Variants in RFX4 observed in about 807,000 individuals in gnomAD.
RFX4 encodes the protein regulatory factor X4.
In RFX4, 10 loss-of-function variants were observed where a neutral mutation model predicts 95.0. That is an observed-to-expected ratio of 0.11 (90% CI 0.06 to 0.18). The LOEUF (loss-of-function observed/expected upper bound fraction) is 0.18, where lower values mean the gene tolerates loss of function less well. RFX4 is among the 10% of genes least tolerant of loss of function. RFX4 has a pLI of 1.00. For missense variants in RFX4, 640 were observed against 922.0 expected, an observed-to-expected ratio of 0.69 and a Z score of 3.96; for synonymous variants, 321 against 340.7, an observed-to-expected ratio of 0.94 and a Z score of 0.64.
At chr12:106,726,246 T>TA (rs550366505) in intron 13 of RFX4, among the ~76,000 whole-genome samples, 2,587 of 108,028 alleles carry the variant, frequency 0.024, 72 homozygotes, top group East Asian at 0.11. Flanking sequence ...AGACTCCATC[T>TA]AAAAAAAAAA....
At chr12:106,730,577 T>G (rs1003937187) in intron 13 of RFX4, among the ~76,000 whole-genome samples, 1 of 152,202 alleles carries the variant, frequency 6.6e-6, no homozygotes, top group African/African-American at 2.4e-5. Flanking sequence ...ATATGTTCAG[T>G]GCTTAGCAGA....
At chr12:106,715,999 T>C (rs1236865062) in intron 11 of RFX4, among the ~76,000 whole-genome samples, 1 of 152,146 alleles carries the variant, frequency 6.6e-6, no homozygotes. Flanking sequence ...AGCAGGTGGA[T>C]GGTATTTTAC....
chr12:106,709,803 C>G (rs2042157816), intron 9 of RFX4, among the ~76,000 whole-genome samples: 1 of 152,098 alleles, frequency 6.6e-6, no homozygotes, highest in African/African-American at 2.4e-5. Flanking sequence ...AGATGAGGCT[C>G]TAAGAGGCAA....
At chr12:106,690,356 T>C (rs1353813535) in intron 7 of RFX4, among the ~76,000 whole-genome samples, 2 of 152,196 alleles carry the variant, frequency 1.3e-5, no homozygotes, top group African/African-American at 4.8e-5. Flanking sequence ...TTTCAGTGAT[T>C]TTTTTCTTTT....
intron 15 of RFX4, among the ~76,000 whole-genome samples, chr12:106,738,803 T>C (rs1242990374): frequency 6.6e-6 from 1 of 152,210 alleles, no homozygotes; most frequent in African/African-American, 2.4e-5. Flanking sequence ...TGTATGATTA[T>C]ATAGGCATAT....
chr12:106,741,643 G>A (rs1250933205), intron 15 of RFX4, among the ~76,000 whole-genome samples: 1 of 152,190 alleles, frequency 6.6e-6, no homozygotes, highest in East Asian at 1.9e-4. Context: ...CACACTTAAA[G>A]GAGCTTACAA....
chr12:106,601,094 C>T (rs1291227220), intron 1 of RFX4: 4 of 1,383,122 alleles, frequency 2.9e-6, no homozygotes, highest in South Asian at 1.7e-5. Flanking sequence ...CAGGGCAGGG[C>T]CCCTTCCTGG....
intron 17 of RFX4, among the ~76,000 whole-genome samples, chr12:106,759,896 T>C (rs933843406): frequency 2.0e-5 from 3 of 152,106 alleles, no homozygotes; most frequent in African/African-American, 7.2e-5. Context: ...ACCTCTGAAT[T>C]GCTGGTTCTC....
At chr12:106,627,761 T>C (rs1429785574) in intron 2 of RFX4, among the ~76,000 whole-genome samples, 1 of 152,202 alleles carries the variant, frequency 6.6e-6, no homozygotes, top group Non-Finnish European at 1.5e-5. Context: ...TGCTCGGCCT[T>C]ATCTGTTGTG....
chr12:106,602,271 A>G (rs537825446), intron 1 of RFX4, among the ~76,000 whole-genome samples: 5 of 152,216 alleles, frequency 3.3e-5, no homozygotes, highest in South Asian at 2.1e-4. Flanking sequence ...AATGCCAGAC[A>G]TCACCATTAG....
chr12:106,742,816 A>ACTCCTTTGAGT (rs2042829375), intron 15 of RFX4, among the ~76,000 whole-genome samples: 1 of 152,232 alleles, frequency 6.6e-6, no homozygotes, highest in African/African-American at 2.4e-5. Flanking sequence ...AAAGGAGGTA[A>ACTCCTTTGAGT]TACTACTTAC....
At position 106,646,842 on chromosome 12, in the gene RFX4, C is replaced by T. The variant is rs191438883; in HGVS notation, c.192-7386C>T. Reference sequence around the variant, plus strand: ...GACATTCCTGACTCCCCAGGGAAATCCTCAACAACAAGGAAGCTGGGTCAG... The same window carrying T: ...GACATTCCTGACTCCCCAGGGAAATTCTCAACAACAAGGAAGCTGGGTCAG... On this transcript the variant is annotated intron_variant, in intron 3 of 17. Transcript: ENST00000392842. Among the ~76,000 whole-genome samples the T allele has an allele frequency of 4.5e-4, 68 of 152,314 alleles. 2 individuals are homozygous for T. The Middle Eastern group carries it at 0.01, about 23-fold the overall frequency.
intron 4 of RFX4, among the ~76,000 whole-genome samples, chr12:106,656,252 A>G (rs1391114348): frequency 1.3e-5 from 2 of 152,242 alleles, no homozygotes; most frequent in Non-Finnish European, 2.9e-5. Context: ...AACTTAAACA[A>G]AATAATAACT....
chr12:106,658,053 G>A (rs1028475277), intron 4 of RFX4, among the ~76,000 whole-genome samples: 2 of 152,072 alleles, frequency 1.3e-5, no homozygotes, highest in Non-Finnish European at 2.9e-5. Context: ...AAAGCTCTAT[G>A]AGGACTTTCT....
rs977827240 is a variant in RFX4, at chr12:106,586,123, G to A, written c.43+2760G>A. 2 of 152,182 alleles carry A rather than the reference G, an allele frequency of 1.3e-5. No individual in the cohort carries two copies. Among genetic ancestry groups the A allele is most frequent in the Non-Finnish European group, 2.9e-5 (2 of 68,014 alleles). 9.4% of individuals were successfully genotyped at this position (152,182 alleles called of 1,614,324 possible). A position where few individuals can be genotyped will look rare whatever the true frequency, so the allele number is the denominator to read the frequency against. On this transcript the variant is annotated intron_variant, in intron 1 of 17. Transcript: ENST00000392842. The surrounding 1 kb of genome is among the most constrained non-coding windows in gnomAD (Gnocchi z 5.6). ...AGCCCGACAAAGCAAAGCCCCTCTC[G>A]GAGGCAAAGCCCCAGCTTGCCGCGC... is the stretch of plus-strand genomic sequence containing the variant.
intron 11 of RFX4, among the ~76,000 whole-genome samples, chr12:106,717,609 G>A (rs2042319568): frequency 6.6e-6 from 1 of 152,226 alleles, no homozygotes; most frequent in South Asian, 2.1e-4. Context: ...TCCTAAGTCA[G>A]GTACTGTATT....
chr12:106,753,695 C>A (rs545024088), intron 17 of RFX4, among the ~76,000 whole-genome samples: 1 of 152,302 alleles, frequency 6.6e-6, no homozygotes, highest in South Asian at 2.1e-4. Context: ...TGAACCCAGG[C>A]GCTGTGACTC....
intron 3 of RFX4, among the ~76,000 whole-genome samples, chr12:106,641,360 T>C (rs1030234624): frequency 4.6e-5 from 7 of 152,130 alleles, no homozygotes; most frequent in African/African-American, 1.2e-4. Context: ...AGCAATAGTG[T>C]CTAGCTCATA....
At chr12:106,741,584 A>G (rs1051079839) in intron 15 of RFX4, among the ~76,000 whole-genome samples, 3 of 152,234 alleles carry the variant, frequency 2.0e-5, no homozygotes, top group African/African-American at 7.2e-5. Context: ...TTAAATTTCA[A>G]TAGCCACGAG....
Sources: gnomAD v4.1 joint callset for allele counts (sites outside exome capture counted in the v4.1 genomes callset) on GRCh38, gnomAD v4.1.1 for gene constraint, Gnocchi (gnomAD v3.1) non-coding constraint, MANE v1.5 for transcripts, NCBI Gene and HGNC (gene_info 2026-07-23, HGNC 2026-07-21) for gene names.